Variants in TMEM14C observed in about 807,000 individuals in gnomAD.
The protein encoded by TMEM14C is transmembrane protein 14C, also known as chromosome 6 open reading frame 53.
In TMEM14C, 13 loss-of-function variants were observed where a neutral mutation model predicts 14.8. That is an observed-to-expected ratio of 0.88 (90% confidence interval 0.57 to 1.40). TMEM14C has a LOEUF of 1.40. TMEM14C is among the 40% of genes most tolerant of loss of function. The pLI, the probability that TMEM14C is intolerant of heterozygous loss-of-function variation, is 0.00. For synonymous variants in TMEM14C, 57 were observed against 51.3 expected (o/e 1.11, Z -0.48); for missense variants, 142 against 138.8 (o/e 1.02, Z -0.12).
intron 1 of TMEM14C, among the ~76,000 whole-genome samples, chr6:10,723,533 T>G (rs1770754584): frequency 6.6e-6 from 1 of 151,924 alleles, no homozygotes; most frequent in African/African-American, 2.4e-5. Context: ...CCGTCTCGAG[T>G]TAAGAACTGT....
intron 1 of TMEM14C, 155 bp from the exon 2 acceptor site, chr6:10,724,415 A>G: frequency 1.7e-6 from 1 of 597,598 alleles, no homozygotes; most frequent in South Asian, 2.1e-5. Context: ...TTGAATGCTC[A>G]CTACAGCCCC....
Position 10,730,662 on chromosome 6 carries a change from A to C in TMEM14C, c.335A>C (p.His112Pro). Residue 112 changes from histidine (H) to proline (P), a missense_variant, in exon 6 of 6, where the codon CAT (histidine) becomes CCT (proline). Transcript: ENST00000229563. ...KVGVSMFNRP[H>P] ...GGAGTTAGTATGTTCAACAGACCCC[A>C]TTAGCAGAAGTCATGTTCCAGCTTA... is the stretch of plus-strand genomic sequence containing the variant. 1 of 1,610,040 alleles carries C rather than the reference A, an allele frequency of 6.2e-7. No homozygotes were observed. Among genetic ancestry groups the C allele is most frequent in the Admixed American group, 1.7e-5 (1 of 59,952 alleles).
At chr6:10,726,117 C>T in intron 4 of TMEM14C, 109 bp downstream of exon 4, 1 of 1,191,354 alleles carries the variant, frequency 8.4e-7, no homozygotes. Context: ...TCACTTACGA[C>T]AATTTCACTG....
chr6:10,726,024 C>T lies in TMEM14C; in HGVS notation c.199+16C>T, dbSNP rs748544625. 5 of 1,613,552 alleles carry T rather than the reference C, an allele frequency of 3.1e-6. No individual in the cohort carries two copies. The highest frequency in any genetic ancestry group is 2.2e-5 in the South Asian group (2 of 91,080). On this transcript the variant is annotated intron_variant, in intron 4 of 5. Coordinates refer to ENST00000229563, the MANE Select transcript of TMEM14C (RefSeq NM_016462.4). ...GTTTTCCTAGGTATGTCTGCTTTGGCGTCTCCTTAGGGCAGCTATGTATCC... is the reference window on the plus strand; with the variant it reads ...GTTTTCCTAGGTATGTCTGCTTTGGTGTCTCCTTAGGGCAGCTATGTATCC...
Position 10,730,924 on chromosome 6 carries a change from T to TCC in TMEM14C, c.*258_*259insCC. 1 of 1,103,384 alleles carries TCC rather than the reference T, an allele frequency of 9.1e-7. No individual in the cohort carries two copies. The highest frequency in any genetic ancestry group is 3.8e-5 in the South Asian group (1 of 26,226). 68.3% of individuals were successfully genotyped at this position (1,103,384 alleles called of 1,614,324 possible). On this transcript the variant is annotated 3_prime_UTR_variant, in exon 6 of 6. Coordinates refer to ENST00000229563, the MANE Select transcript of TMEM14C (RefSeq NM_016462.4). ...ATATTGATGTTGTCTTTTCTTTCTGTATCTGTAGGTAAATCTCAAGGGTAA... is the reference window on the plus strand; with the variant it reads ...ATATTGATGTTGTCTTTTCTTTCTGTCCATCTGTAGGTAAATCTCAAGGGTAA...
Position 10,724,943 on chromosome 6 carries a change from T to C in TMEM14C, c.21-18T>C. 6.2e-7 allele frequency: 1 copy of C among 1,614,192 alleles called. No homozygotes were observed. Among genetic ancestry groups the C allele is most frequent in the Non-Finnish European group, 8.5e-7 (1 of 1,180,002 alleles). On this transcript the variant is annotated intron_variant, in intron 2 of 5. Transcript: ENST00000229563. ...TCAAAGCCAGGTTAGCACTGACTTC[T>C]CCCTCTTGTGTTTTCAGAGTGCCTT... is the stretch of plus-strand genomic sequence containing the variant.
intron 5 of TMEM14C, 118 bp from the exon 6 acceptor site, chr6:10,730,494 CTCT>C: frequency 1.1e-6 from 1 of 913,412 alleles, no homozygotes; most frequent in South Asian, 2.2e-5. Context: ...CCCCTGACCA[CTCT>C]TGCCTTAGTA....
intron 5 of TMEM14C, among the ~76,000 whole-genome samples, chr6:10,729,203 C>T (rs1384305635): frequency 6.6e-6 from 1 of 152,198 alleles, no homozygotes; most frequent in Non-Finnish European, 1.5e-5. Context: ...GTGATCTCCG[C>T]TCACTGCAAT....
chr6:10,724,051 T>C (rs536773698), intron 1 of TMEM14C, among the ~76,000 whole-genome samples: 1 of 152,344 alleles, frequency 6.6e-6, no homozygotes, highest in African/African-American at 2.4e-5. Context: ...GTATATTTTA[T>C]CCTCTCCTAC....
rs1046233 is a variant in TMEM14C, at chr6:10,730,929, G to C, written c.*263G>C. On this transcript the variant is annotated 3_prime_UTR_variant, in exon 6 of 6. Coordinates refer to ENST00000229563, the MANE Select transcript of TMEM14C (RefSeq NM_016462.4). ...GATGTTGTCTTTTCTTTCTGTATCT[G>C]TAGGTAAATCTCAAGGGTAAAATGT... 1 of 1,096,640 alleles carries C rather than the reference G, an allele frequency of 9.1e-7. No individual in the cohort carries two copies. The highest frequency in any genetic ancestry group is 4.9e-5 in the Admixed American group (1 of 20,496). 67.9% of individuals were successfully genotyped at this position (1,096,640 alleles called of 1,614,324 possible).
chr6:10,724,559 GT>G lies in TMEM14C; in HGVS notation c.-44-7del. Reference sequence around the variant, plus strand: ...CTTTTAACTACCTCTGATCCAGCTTGTTTTCTGCAGGTGCAGGCCTGGGGTA... The same window carrying G: ...CTTTTAACTACCTCTGATCCAGCTTGTTTCTGCAGGTGCAGGCCTGGGGTA... On this transcript the variant is annotated splice_polypyrimidine_tract_variant and intron_variant, in intron 1 of 5. Transcript: ENST00000229563. 6.2e-7 allele frequency: 1 copy of G among 1,601,738 alleles called. No individual in the cohort carries two copies. The highest frequency in any genetic ancestry group is 8.5e-7 in the Non-Finnish European group (1 of 1,170,634).
At position 10,730,969 on chromosome 6, in the gene TMEM14C, C is replaced by G. The variant is rs1046250; in HGVS notation, c.*303C>G. Reference sequence around the variant, plus strand: ...GGGTAAAATGTTAGGTGTCAGCTTTCAGGGCTCTGAAACCCCATTCCCTGC... The same window carrying G: ...GGGTAAAATGTTAGGTGTCAGCTTTGAGGGCTCTGAAACCCCATTCCCTGC... On this transcript the variant is annotated 3_prime_UTR_variant, in exon 6 of 6. Transcript: ENST00000229563. The G allele has an allele frequency of 9.6e-7, 1 of 1,045,334 alleles. No individual in the cohort carries two copies. Among genetic ancestry groups the G allele is most frequent in the Non-Finnish European group, 1.2e-6 (1 of 869,176 alleles). 64.8% of individuals were successfully genotyped at this position (1,045,334 alleles called of 1,614,324 possible).
intron 4 of TMEM14C, 54 bp downstream of exon 4, chr6:10,726,062 T>C (rs1230141108): frequency 3.7e-5 from 59 of 1,602,398 alleles, no homozygotes; most frequent in Non-Finnish European, 2.6e-6. Context: ...AATACTCTTT[T>C]CCAAAAGACC....
intron 5 of TMEM14C, 128 bp from the exon 6 acceptor site, chr6:10,730,487 C>T: frequency 1.2e-6 from 1 of 811,726 alleles, no homozygotes; most frequent in Non-Finnish European, 1.8e-6. Context: ...AAATTTACCC[C>T]TGACCACTCT....
intron 4 of TMEM14C, among the ~76,000 whole-genome samples, chr6:10,727,124 C>T (rs184973420): frequency 6.6e-6 from 1 of 152,290 alleles, no homozygotes; most frequent in African/African-American, 2.4e-5. Flanking sequence ...AAAACAGCAG[C>T]CATCAGGTGG....
rs1211062071 is a variant in TMEM14C at position 10,723,124 on chromosome 6, C to T, written c.-162C>T. The T allele has an allele frequency of 6.6e-6, 1 of 152,352 alleles. No individual in the cohort carries two copies. Among genetic ancestry groups the T allele is most frequent in the Non-Finnish European group, 1.5e-5 (1 of 68,118 alleles). The allele number at this position is 152,352 out of a possible 1,614,324, so 9.4% of individuals were successfully genotyped here. ...TGCGCAGGCACAACAGAGCCGCTCC[C>T]CTCTCCTCGCCCCGCCACCGGGACG... On this transcript the variant is annotated 5_prime_UTR_variant, in exon 1 of 6. Transcript: ENST00000229563.
At chr6:10,730,018 A>G (rs1770981770) in intron 5 of TMEM14C, among the ~76,000 whole-genome samples, 1 of 152,156 alleles carries the variant, frequency 6.6e-6, no homozygotes, top group African/African-American at 2.4e-5. Flanking sequence ...AAATCTCTTG[A>G]ACCTGGGAGA....
At chr6:10,727,690 G>A (rs144147251) in intron 4 of TMEM14C, among the ~76,000 whole-genome samples, 2,098 of 152,070 alleles carry the variant, frequency 0.014, 57 homozygotes, top group African/African-American at 0.048. Context: ...GCGTGGTGGC[G>A]GACGCCTGTA....
At chr6:10,725,106 T>C (rs1770817326) in intron 3 of TMEM14C, 69 bp downstream of exon 3, 6 of 1,584,960 alleles carry the variant, frequency 3.8e-6, no homozygotes, top group Middle Eastern at 4.0e-4. Context: ...AATGCCCGTG[T>C]CCCTGAGAAG....
Sources: allele counts gnomAD v4.1 joint callset (sites outside exome capture counted in the v4.1 genomes callset), GRCh38; gene constraint gnomAD v4.1.1; transcripts MANE v1.5; gene names NCBI Gene and HGNC (gene_info 2026-07-23, HGNC 2026-07-21).